TAFA4: variants seen among roughly 807,000 people sequenced by gnomAD.
TAFA4 encodes TAFA chemokine like family member 4.
In TAFA4, 20 loss-of-function variants were observed where a neutral mutation model predicts 21.1. The ratio of observed to expected loss-of-function variants is 0.95; its 90% CI spans 0.67 to 1.38. The LOEUF (loss-of-function observed/expected upper bound fraction) is 1.38, where lower values mean the gene tolerates loss of function less well. Ranked by LOEUF, TAFA4 falls within the 40% of genes most tolerant of loss-of-function variation. The probability of loss-of-function intolerance (pLI) is 0.00; values close to 1 mark genes in which losing one functional copy is unlikely to be tolerated. For missense variants in TAFA4, 211 were observed against 180.9 expected (o/e 1.17, Z -0.95); for synonymous variants, 71 against 67.4 (o/e 1.05, Z -0.26).
At chr3:68,769,674 T>C (rs1432229264) in intron 3 of TAFA4, among the ~76,000 whole-genome samples, 2 of 152,210 alleles carry the variant, frequency 1.3e-5, no homozygotes, top group African/African-American at 4.8e-5. Flanking sequence ...AACATCACAC[T>C]ATACCCCATA....
intron 3 of TAFA4, among the ~76,000 whole-genome samples, chr3:68,854,969 A>T (rs961421048): frequency 6.6e-6 from 1 of 152,200 alleles, no homozygotes; most frequent in Non-Finnish European, 1.5e-5. Flanking sequence ...GTTAACATAT[A>T]ATTCTAACAC....
rs111338289 is a variant in TAFA4, at chr3:68,845,485, T to C, written c.130+35245A>G. On this transcript the variant is annotated intron_variant, in intron 3 of 5. Transcript: ENST00000295569. The stretch of plus-strand genomic sequence containing the variant: ...GACTCTTTATCCAATTTGCCAGTCT[T>C]TGTCTTTTAATTGGGGCCTTTAGCC... 7.9e-3 allele frequency among the ~76,000 whole-genome samples: 1,210 copies of C among 152,300 alleles called. 14 individuals are homozygous for C. The highest frequency in any genetic ancestry group is 0.027 in the African/African-American group (1,133 of 41,566).
chr3:68,898,243 G>A (rs2089811639), intron 1 of TAFA4, among the ~76,000 whole-genome samples: 1 of 152,338 alleles, frequency 6.6e-6, no homozygotes, highest in East Asian at 1.9e-4. Flanking sequence ...TATGATCCAA[G>A]AATCCGGAAA....
intron 3 of TAFA4, among the ~76,000 whole-genome samples, chr3:68,794,391 C>CA (rs1703418353): frequency 6.6e-6 from 1 of 152,186 alleles, no homozygotes; most frequent in Non-Finnish European, 1.5e-5. Context: ...ATGTTAAATA[C>CA]ATGCTGCATT....
chr3:68,914,275 T>C (rs73835368), intron 1 of TAFA4, among the ~76,000 whole-genome samples: 6,125 of 152,254 alleles, frequency 0.04, 425 homozygotes, highest in African/African-American at 0.14. Context: ...TTTCCATTTA[T>C]AAGAAGCTGT....
intron 1 of TAFA4, among the ~76,000 whole-genome samples, chr3:68,928,727 T>G (rs1282044571): frequency 6.6e-6 from 1 of 152,032 alleles, no homozygotes; most frequent in Non-Finnish European, 1.5e-5. Context: ...AATGTGGCCC[T>G]CCTCCGCAGA....
At chr3:68,842,668 C>T (rs560431248) in intron 3 of TAFA4, among the ~76,000 whole-genome samples, 8 of 152,158 alleles carry the variant, frequency 5.3e-5, no homozygotes, top group South Asian at 4.2e-4. Context: ...AGGGTTTTTA[C>T]GGTTTTAGGT....
chr3:68,771,470 G>A (rs557225943), intron 3 of TAFA4, among the ~76,000 whole-genome samples: 2 of 152,304 alleles, frequency 1.3e-5, no homozygotes, highest in East Asian at 1.9e-4. Context: ...TGAGCAGCGG[G>A]GCACTGAAAA....
intron 1 of TAFA4, among the ~76,000 whole-genome samples, chr3:68,901,669 T>C (rs954739538): frequency 2.6e-5 from 4 of 152,244 alleles, no homozygotes; most frequent in African/African-American, 9.6e-5. Context: ...CTAGAACATT[T>C]ATTTCTACTA....
intron 3 of TAFA4, among the ~76,000 whole-genome samples, chr3:68,760,856 T>A (rs1189473260): frequency 6.6e-6 from 1 of 152,210 alleles, no homozygotes; most frequent in Non-Finnish European, 1.5e-5. Flanking sequence ...AGCCATTTGA[T>A]GGACAAACTT....
intron 5 of TAFA4, among the ~76,000 whole-genome samples, chr3:68,736,545 A>G (rs1161964265): frequency 6.6e-6 from 1 of 152,126 alleles, no homozygotes; most frequent in Non-Finnish European, 1.5e-5. Flanking sequence ...TCTTACCTTT[A>G]GCTTTTCTGT....
intron 3 of TAFA4, among the ~76,000 whole-genome samples, chr3:68,812,444 G>C (rs1367488439): frequency 2.0e-5 from 3 of 152,122 alleles, no homozygotes; most frequent in Non-Finnish European, 4.4e-5. Context: ...CACACACAGA[G>C]ACACATATAG....
At chr3:68,756,988 C>T (rs1575597166) in intron 3 of TAFA4, among the ~76,000 whole-genome samples, 1 of 152,166 alleles carries the variant, frequency 6.6e-6, no homozygotes, top group African/African-American at 2.4e-5. Context: ...CATTCCCTGA[C>T]AGCTAATGAC....
chr3:68,880,796 C>G lies in TAFA4; in HGVS notation c.64G>C (p.Ala22Pro), dbSNP rs1305947454. ...SVLLSHWLFL[A>P]YVLMVCCKLM... ...TTACAGCACACCATTAACACGTAGG[C>G]TAGAAAGAGCCAGTGCGACAGCAAC... Residue 22 changes from alanine (A) to proline (P), a missense_variant, in exon 3 of 6, where the codon GCC becomes CCC. Coordinates refer to ENST00000295569, the MANE Select transcript of TAFA4 (RefSeq NM_182522.5). 1.2e-6 allele frequency: 2 copies of G among 1,613,826 alleles called. No individual in the cohort carries two copies. The highest frequency in any genetic ancestry group is 2.2e-5 in the East Asian group (1 of 44,844).
intron 3 of TAFA4, among the ~76,000 whole-genome samples, chr3:68,810,691 G>A (rs1166325990): frequency 2.6e-5 from 4 of 152,178 alleles, no homozygotes; most frequent in African/African-American, 4.8e-5. Context: ...GAACTGGGTG[G>A]AGCCCACCGC....
intron 3 of TAFA4, among the ~76,000 whole-genome samples, chr3:68,833,533 G>C (rs1004723836): frequency 6.6e-6 from 1 of 151,980 alleles, no homozygotes; most frequent in African/African-American, 2.4e-5. Context: ...ACTACCTAAA[G>C]CATTTAGGCA....
At chr3:68,919,750 A>T (rs1382894955) in intron 1 of TAFA4, among the ~76,000 whole-genome samples, 1 of 152,166 alleles carries the variant, frequency 6.6e-6, no homozygotes, top group Non-Finnish European at 1.5e-5. Flanking sequence ...AATTTGTAAG[A>T]TTCTACTTAC....
intron 3 of TAFA4, among the ~76,000 whole-genome samples, chr3:68,821,343 T>TGTGAATTA (rs1462185233): frequency 8.3e-5 from 1 of 12,080 alleles, no homozygotes; most frequent in African/African-American, 4.6e-4. Flanking sequence ...TTTTTTTTTT[T>TGTGAATTA]TTTTTTTTTT....
chr3:68,757,057 C>T (rs1480574491), intron 3 of TAFA4, among the ~76,000 whole-genome samples: 1 of 152,086 alleles, frequency 6.6e-6, no homozygotes, highest in African/African-American at 2.4e-5. Flanking sequence ...AAATGTCCTC[C>T]CATTGGTCAT....
Sources: allele counts gnomAD v4.1 joint callset (sites outside exome capture counted in the v4.1 genomes callset), GRCh38; gene constraint gnomAD v4.1.1; transcripts MANE v1.5; gene names NCBI Gene and HGNC (gene_info 2026-07-23, HGNC 2026-07-21).